Variants in HVCN1 observed in about 807,000 individuals in gnomAD.
The protein encoded by HVCN1 is voltage-gated hydrogen channel 1.
In HVCN1, 14 loss-of-function variants were observed where a neutral mutation model predicts 29.2. The observed-to-expected ratio is 0.48, with a 90% CI of 0.32 to 0.75. The LOEUF is 0.75. Ranked by LOEUF, HVCN1 falls within the 30% of genes least tolerant of loss-of-function variation. The pLI is 0.04. For synonymous variants in HVCN1, 131 were observed against 133.2 expected (o/e 0.98, Z 0.11); for missense variants, 263 against 341.8 (o/e 0.77, Z 1.82).
At chr12:110,685,677 T>A (rs868713496) in intron 2 of HVCN1, among the ~76,000 whole-genome samples, 1 of 152,094 alleles carries the variant, frequency 6.6e-6, no homozygotes, top group African/African-American at 2.4e-5. Context: ...ACACCCTTTT[T>A]TTTTTGTTGT....
At chr12:110,685,232 G>A (rs988479547) in intron 2 of HVCN1, among the ~76,000 whole-genome samples, 14 of 152,316 alleles carry the variant, frequency 9.2e-5, no homozygotes, top group African/African-American at 3.1e-4. Flanking sequence ...AGAGGCTGGA[G>A]TCAGAAAGAT....
chr12:110,662,983 C>A (rs1476636949), intron 3 of HVCN1, among the ~76,000 whole-genome samples: 2 of 152,128 alleles, frequency 1.3e-5, no homozygotes, highest in Non-Finnish European at 2.9e-5. Context: ...ACTCAAATAG[C>A]CAAGATGCTT....
At chr12:110,683,458 G>T (rs764423164) in intron 2 of HVCN1, among the ~76,000 whole-genome samples, 194 bp from the exon 3 acceptor site, 51 of 152,266 alleles carry the variant, frequency 3.3e-4, no homozygotes, top group Non-Finnish European at 1.9e-4. Context: ...CTGAAACAGG[G>T]ACTCAAACAA....
chr12:110,692,912 C>T (rs2069433822), upstream of HVCN1, among the ~76,000 whole-genome samples: 1 of 152,152 alleles, frequency 6.6e-6, no homozygotes, highest in East Asian at 1.9e-4. Context: ...GTTGCTCAGG[C>T]TGGAATGCAG....
At chr12:110,659,260 A>C (rs2068086986) in intron 4 of HVCN1, among the ~76,000 whole-genome samples, 1 of 151,886 alleles carries the variant, frequency 6.6e-6, no homozygotes, top group Admixed American at 6.6e-5. Context: ...CAAGGGCTAC[A>C]TTTCTCTGCT....
intron 4 of HVCN1, among the ~76,000 whole-genome samples, chr12:110,659,262 T>G (rs934849624): frequency 3.3e-5 from 5 of 152,142 alleles, no homozygotes; most frequent in Non-Finnish European, 7.3e-5. Context: ...AGGGCTACAT[T>G]TCTCTGCTTC....
chr12:110,699,741 A>C (rs757108933), intron 2 of HVCN1, among the ~76,000 whole-genome samples: 5 of 151,992 alleles, frequency 3.3e-5, no homozygotes, highest in Non-Finnish European at 5.9e-5. Context: ...CGGGCACATG[A>C]TACACATCTC....
chr12:110,678,932 G>C lies in HVCN1; in HGVS notation c.21+4293C>G, dbSNP rs145175969. Among the ~76,000 whole-genome samples the C allele has an allele frequency of 4.8e-3, 737 of 152,320 alleles. 2 individuals are homozygous for C. The highest frequency in any genetic ancestry group is 0.017 in the Middle Eastern group (5 of 294). ...GTCATGTCAACCAGGAGCAGGGGCT[G>C]TGCTATTTGTTTTACAAAAGTGTAG... is the stretch of plus-strand genomic sequence containing the variant. On this transcript the variant is annotated intron_variant, in intron 3 of 7. Transcript: ENST00000242607.
chr12:110,687,428 G>A (rs539943320), intron 2 of HVCN1, among the ~76,000 whole-genome samples: 2 of 152,316 alleles, frequency 1.3e-5, no homozygotes, highest in Admixed American at 6.5e-5. Context: ...CCGGGAAAAG[G>A]AAGAACACGT....
intron 2 of HVCN1, among the ~76,000 whole-genome samples, chr12:110,685,279 C>CT (rs2069136347): frequency 6.6e-6 from 1 of 152,114 alleles, no homozygotes; most frequent in Admixed American, 6.6e-5. Context: ...AGGATGGGGC[C>CT]TCAATCCAAG....
chr12:110,690,522 C>G (rs2069380510), upstream of HVCN1, among the ~76,000 whole-genome samples: 1 of 152,104 alleles, frequency 6.6e-6, no homozygotes, highest in African/African-American at 2.4e-5. Flanking sequence ...TGTCGTCCAG[C>G]CTGGAGTGCA....
intron 3 of HVCN1, among the ~76,000 whole-genome samples, chr12:110,682,401 G>A (rs1365611353): frequency 6.6e-6 from 1 of 152,072 alleles, no homozygotes; most frequent in African/African-American, 2.4e-5. Flanking sequence ...GTTTTGCCAT[G>A]TTGACCAGGC....
upstream of HVCN1, among the ~76,000 whole-genome samples, chr12:110,692,075 G>A (rs141917968): frequency 1.3e-3 from 196 of 152,288 alleles, 4 homozygotes; most frequent in Admixed American, 9.9e-3. Context: ...GTTATCCCCA[G>A]GCACAGGATT....
At chr12:110,679,580 G>T (rs1445590248) in intron 3 of HVCN1, among the ~76,000 whole-genome samples, 1 of 152,176 alleles carries the variant, frequency 6.6e-6, no homozygotes, top group Non-Finnish European at 1.5e-5. Flanking sequence ...TGGGCCGGGC[G>T]CGGTGGCTCA....
chr12:110,690,077 G>T (rs911084533), upstream of HVCN1, among the ~76,000 whole-genome samples: 19 of 152,216 alleles, frequency 1.2e-4, no homozygotes, highest in Non-Finnish European at 2.4e-4. Flanking sequence ...AGAAGTCTCA[G>T]ATGGGTCCTA....
At chr12:110,679,777 C>T (rs564315197) in intron 3 of HVCN1, among the ~76,000 whole-genome samples, 5 of 151,654 alleles carry the variant, frequency 3.3e-5, no homozygotes, top group East Asian at 2.0e-4. Flanking sequence ...GGCGTGAACC[C>T]GGGAAGCGGA....
At chr12:110,649,935 T>C (rs1004323064) in intron 7 of HVCN1, among the ~76,000 whole-genome samples, 17 of 151,968 alleles carry the variant, frequency 1.1e-4, no homozygotes, top group Admixed American at 2.0e-4. Context: ...AACCTCCACC[T>C]CCCGGGTTCA....
intron 3 of HVCN1, among the ~76,000 whole-genome samples, chr12:110,672,633 G>C (rs1225802040): frequency 6.6e-6 from 1 of 151,968 alleles, no homozygotes; most frequent in African/African-American, 2.4e-5. Flanking sequence ...GATTTGGTTT[G>C]GCTGTGTCCC....
At chr12:110,671,402 C>T (rs1031317347) in intron 3 of HVCN1, among the ~76,000 whole-genome samples, 4 of 152,152 alleles carry the variant, frequency 2.6e-5, no homozygotes, top group Admixed American at 2.0e-4. Context: ...GTCCACAAGC[C>T]AAAGACTGCA....
Sources: gnomAD v4.1 joint callset for allele counts (sites outside exome capture counted in the v4.1 genomes callset) on GRCh38, gnomAD v4.1.1 for gene constraint, MANE v1.5 for transcripts, NCBI Gene and HGNC (gene_info 2026-07-23, HGNC 2026-07-21) for gene names.